CASS4: variants seen among roughly 807,000 people sequenced by gnomAD.
CASS4 encodes cas scaffolding protein family member 4.
Under a neutral mutation model 54.2 loss-of-function variants are expected in CASS4, and 22 were observed. The ratio of observed to expected loss-of-function variants is 0.41; its 90% CI spans 0.29 to 0.58. The LOEUF is 0.58. Among genes scored for constraint, CASS4 ranks in the 20% least tolerant of loss-of-function variants. CASS4 has a pLI of 0.36. For synonymous variants in CASS4, 409 were observed against 391.5 expected (o/e 1.04, Z -0.53); for missense variants, 854 against 986.7 (o/e 0.87, Z 1.80).
At chr20:56,436,356 G>GTA (rs1362137564) in intron 1 of CASS4, among the ~76,000 whole-genome samples, 15 of 144,590 alleles carry the variant, frequency 1.0e-4, no homozygotes, top group South Asian at 2.2e-4. Context: ...GTGTGTGTGT[G>GTA]TGTGTATATA....
In CASS4 at chr20:56,430,523, G is replaced by C. The variant is rs945344155; in HGVS notation, c.37-6641G>C. 9.8e-5 allele frequency among the ~76,000 whole-genome samples: 15 copies of C among 152,314 alleles called. No homozygotes were observed. The highest frequency in any genetic ancestry group is 3.6e-4 in the African/African-American group (15 of 41,558). Reference sequence around the variant, plus strand: ...TTAACACTCTATTTAAGAATACCTTGTGAGTGGCCTCAGCAACCATTGCAA... The same window carrying C: ...TTAACACTCTATTTAAGAATACCTTCTGAGTGGCCTCAGCAACCATTGCAA... On this transcript the variant is annotated intron_variant, in intron 1 of 5. Coordinates refer to ENST00000679887, the MANE Select transcript of CASS4 (RefSeq NM_020356.4). This position sits in a 1 kb window ranked among gnomAD's most constrained non-coding sequence, Gnocchi z 4.2.
intron 1 of CASS4, among the ~76,000 whole-genome samples, chr20:56,422,344 T>C (rs11698292): frequency 0.15 from 22,131 of 152,228 alleles, 1,830 homozygotes; most frequent in Admixed American, 0.21. Flanking sequence ...CCTTTATTGT[T>C]GCATCATTTC....
intron 1 of CASS4, among the ~76,000 whole-genome samples, chr20:56,417,200 G>A (rs1979180105): frequency 6.6e-6 from 1 of 152,188 alleles, no homozygotes; most frequent in East Asian, 1.9e-4. Flanking sequence ...GGTTCTCTTT[G>A]TACCTTTAGC....
Position 56,432,718 on chromosome 20 carries a change from C to T in CASS4, c.37-4446C>T, listed in dbSNP as rs116179410. 3.1e-3 allele frequency among the ~76,000 whole-genome samples: 465 copies of T among 152,236 alleles called. 2 individuals carry two copies. Among genetic ancestry groups the T allele is most frequent in the African/African-American group, 0.011 (447 of 41,538 alleles). The stretch of plus-strand genomic sequence containing the variant: ...CTTTATAAGACTCTAAAACTCTAGT[C>T]CCTTAAATACTTCATCACTGCTGGA... On this transcript the variant is annotated intron_variant, in intron 1 of 5. Transcript: ENST00000679887.
At chr20:56,422,188 G>A (rs1401735795) in intron 1 of CASS4, among the ~76,000 whole-genome samples, 1 of 152,218 alleles carries the variant, frequency 6.6e-6, no homozygotes, top group Non-Finnish European at 1.5e-5. Context: ...GCAAGGAATA[G>A]ACTTGGCGGT....
In CASS4 at chr20:56,451,912, A is replaced by T; in HGVS notation, c.736A>T (p.Thr246Ser). The change falls in exon 5 of 6, where the codon ACT becomes TCT. Residue 246 changes from threonine (T) to serine (S), a missense_variant. By Grantham distance (58) the Thr-to-Ser change is moderately conservative. Transcript: ENST00000679887. ...NPQKSEWIYD[T>S]PVSPGKASVR... ...TCAGAAATCGGAATGGATTTATGAC[A>T]CTCCAGTGTCTCCAGGAAAGGCCAG... The T allele has an allele frequency of 2.5e-6, 4 of 1,614,044 alleles. No individual in the cohort carries two copies. The highest frequency in any genetic ancestry group is 3.4e-6 in the Non-Finnish European group (4 of 1,180,024).
At chr20:56,453,662 G>A (rs553279678) in intron 5 of CASS4, 1 of 153,786 alleles carries the variant, frequency 6.5e-6, no homozygotes, top group African/African-American at 2.4e-5. Flanking sequence ...GCCAACGCAG[G>A]AGGATCCCTT....
At position 56,449,162 on chromosome 20, in the gene CASS4, A is replaced by G. The variant is rs554253891; in HGVS notation, c.562-1437A>G. ...CTGCTATAAAGATACATGCACACGT[A>G]TGTTTATTGCGGCACTATTCACAAT... On this transcript the variant is annotated intron_variant, in intron 3 of 5. Coordinates refer to ENST00000679887, the MANE Select transcript of CASS4 (RefSeq NM_020356.4). 4.3e-4 allele frequency among the ~76,000 whole-genome samples: 66 copies of G among 152,350 alleles called. 1 individual carries two copies. The East Asian group carries it at 9.4e-3, about 22-fold the overall frequency.
At chr20:56,444,903 G>T (rs1021885187) in intron 2 of CASS4, among the ~76,000 whole-genome samples, 1 of 152,162 alleles carries the variant, frequency 6.6e-6, no homozygotes. Context: ...CTAAGGTCGG[G>T]AGTTCAAGAC....
At chr20:56,429,114 T>G (rs564547387) in intron 1 of CASS4, among the ~76,000 whole-genome samples, 6 of 152,240 alleles carry the variant, frequency 3.9e-5, no homozygotes, top group African/African-American at 1.4e-4. Context: ...ACAGGGACAA[T>G]GAGGCAGCAT....
chr20:56,453,340 A>T lies in CASS4; in HGVS notation c.1953+211A>T, dbSNP rs994027641. 10 of 407,592 alleles carry T rather than the reference A, an allele frequency of 2.5e-5. No individual in the cohort carries two copies. In the East Asian group the frequency reaches 3.8e-4, roughly 15 times the overall value. 25.2% of individuals were successfully genotyped at this position (407,592 alleles called of 1,614,324 possible). On this transcript the variant is annotated intron_variant, in intron 5 of 5. Coordinates refer to ENST00000679887, the MANE Select transcript of CASS4 (RefSeq NM_020356.4). ...ATAGGTCAGCATAGGCAGATAGGTCAGTTGATTTGGATTTCTTCCGAAAAC... is the reference window on the plus strand; with the variant it reads ...ATAGGTCAGCATAGGCAGATAGGTCTGTTGATTTGGATTTCTTCCGAAAAC...
At chr20:56,413,703 A>C (rs2067257644) in intron 1 of CASS4, among the ~76,000 whole-genome samples, 1 of 146,672 alleles carries the variant, frequency 6.8e-6, no homozygotes, top group Admixed American at 6.9e-5. Context: ...AAAAAAAGTC[A>C]CTAGTGGAAT....
In CASS4 at chr20:56,437,441, G is replaced by C. The variant is rs142769327; in HGVS notation, c.314G>C (p.Arg105Pro). The change falls in exon 2 of 6, where the codon CGC (arginine) becomes CCC (proline). Residue 105 changes from arginine to proline, a missense_variant. Physicochemically the swap from Arg to Pro is moderately radical, Grantham distance 103 (BLOSUM62 -2). Transcript: ENST00000679887. The surrounding 1 kb of genome is among the most constrained non-coding windows in gnomAD (Gnocchi z 4.7). ...ACCTATCAGGTGCCCACTCTACCCC[G>C]CCCTCCCACTCCAGGCCCCGTTTAT... Reference protein sequence around the residue: ...EETYQVPTLPRPPTPGPVYEQ... With the variant: ...EETYQVPTLPPPPTPGPVYEQ... The C allele has an allele frequency of 5.0e-6, 8 of 1,613,692 alleles. No homozygotes were observed. In the South Asian group the frequency reaches 8.8e-5, roughly 18 times the overall value.
In CASS4 at chr20:56,430,232, GC is replaced by G. The variant is rs1277927962; in HGVS notation, c.37-6931del. Among the ~76,000 whole-genome samples the G allele has an allele frequency of 3.3e-5, 5 of 152,216 alleles. No homozygotes were observed. Among genetic ancestry groups the G allele is most frequent in the Admixed American group, 2.0e-4 (3 of 15,288 alleles). On this transcript the variant is annotated intron_variant, in intron 1 of 5. Coordinates refer to ENST00000679887, the MANE Select transcript of CASS4 (RefSeq NM_020356.4). The surrounding 1 kb of genome is among the most constrained non-coding windows in gnomAD (Gnocchi z 4.2). ...GGTCTCTGCACTGAGGTTATCATCA[GC>G]ATGAAGGCAGTGAGTCTCTTATTCT...
chr20:56,440,017 C>T (rs1980383125), intron 2 of CASS4, among the ~76,000 whole-genome samples: 1 of 152,248 alleles, frequency 6.6e-6, no homozygotes, highest in African/African-American at 2.4e-5. Flanking sequence ...TCCACACCAG[C>T]TTCCAAGGTT....
rs1979056633 is a variant in CASS4, at chr20:56,414,885, T to A, written c.36+2391T>A. Among the ~76,000 whole-genome samples, 1 of 152,166 alleles carries A rather than the reference T, an allele frequency of 6.6e-6. No individual in the cohort carries two copies. The highest frequency in any genetic ancestry group is 2.4e-5 in the African/African-American group (1 of 41,436). Reference sequence around the variant, plus strand: ...TTGCTTTATATATATATATAAATAGTAGCCAACCCTTACCGATTGTCTACA... The same window carrying A: ...TTGCTTTATATATATATATAAATAGAAGCCAACCCTTACCGATTGTCTACA... On this transcript the variant is annotated intron_variant, in intron 1 of 5. Transcript: ENST00000679887. This position sits in a 1 kb window ranked among gnomAD's most constrained non-coding sequence, Gnocchi z 4.1.
rs764146773 is a variant in CASS4, at chr20:56,452,255, C to T, written c.1079C>T (p.Ser360Phe). The T allele has an allele frequency of 5.0e-6, 8 of 1,614,048 alleles. No homozygotes were observed. The East Asian group carries it at 1.8e-4, about 36-fold the overall frequency. The part of the protein sequence containing the change: ...YDIPKATSSV[S>F]QAGKELEKAK... ...ATCCCTAAAGCAACGTCGAGTGTTTCTCAGGCTGGGAAGGAGCTGGAGAAA... is the reference window on the plus strand; with the variant it reads ...ATCCCTAAAGCAACGTCGAGTGTTTTTCAGGCTGGGAAGGAGCTGGAGAAA... The change falls in exon 5 of 6, where the codon TCT becomes TTT. Residue 360 changes from serine (S) to phenylalanine (F), a missense_variant. Coordinates refer to ENST00000679887, the MANE Select transcript of CASS4 (RefSeq NM_020356.4).
chr20:56,446,030 C>A (rs150459970), intron 3 of CASS4, 29 bp downstream of exon 3: 69 of 1,458,706 alleles, frequency 4.7e-5, no homozygotes, highest in Non-Finnish European at 6.4e-5. Context: ...CCCCTCATCA[C>A]CCAGACCTCT....
rs776170142 is a variant in CASS4 at position 56,445,884 on chromosome 20, C to T, written c.460-16C>T. The T allele has an allele frequency of 1.3e-6, 2 of 1,586,342 alleles. No homozygotes were observed. Among genetic ancestry groups the T allele is most frequent in the South Asian group, 1.1e-5 (1 of 90,540 alleles). ...TGACATTTCCTTTTCCTCTTTTCTC[C>T]TCCTTTCTCTCCAAGGCCATCCTCA... is the stretch of plus-strand genomic sequence containing the variant. On this transcript the variant is annotated splice_polypyrimidine_tract_variant and intron_variant, in intron 2 of 5. Coordinates refer to ENST00000679887, the MANE Select transcript of CASS4 (RefSeq NM_020356.4).
Sources: allele counts gnomAD v4.1 joint callset (sites outside exome capture counted in the v4.1 genomes callset), GRCh38; gene constraint gnomAD v4.1.1; non-coding constraint Gnocchi (gnomAD v3.1); transcripts MANE v1.5; gene names NCBI Gene and HGNC (gene_info 2026-07-23, HGNC 2026-07-21).